The following EMCN variants were observed in gnomAD, a reference collection of about 807,000 sequenced individuals.
The protein encoded by EMCN is endomucin, also known as MUC-14.
A neutral mutation model predicts 38.4 loss-of-function variants in EMCN; 37 were observed. The ratio of observed to expected loss-of-function variants is 0.96; its 90% CI spans 0.74 to 1.27. The LOEUF (loss-of-function observed/expected upper bound fraction) is 1.27. EMCN is among the 50% of genes most tolerant of loss of function. The pLI, the probability that EMCN is intolerant of heterozygous loss-of-function variation, is 0.00. For synonymous variants in EMCN, 95 were observed against 100.8 expected, an observed-to-expected ratio of 0.94 and a Z score of 0.35; for missense variants, 318 against 302.8, an observed-to-expected ratio of 1.05 and a Z score of -0.37.
intron 1 of EMCN, among the ~76,000 whole-genome samples, chr4:100,503,791 A>T (rs1428703309): frequency 1.8e-4 from 27 of 152,136 alleles, no homozygotes; most frequent in Admixed American, 1.8e-3. Flanking sequence ...TGGGAAAGAT[A>T]CAGATATTTT....
intron 4 of EMCN, among the ~76,000 whole-genome samples, chr4:100,457,135 T>C (rs981200664): frequency 4.6e-5 from 7 of 152,064 alleles, no homozygotes; most frequent in Non-Finnish European, 8.8e-5. Flanking sequence ...TATATCCTTT[T>C]TCACTCTTTT....
chr4:100,507,814 G>T (rs566749107), intron 1 of EMCN, among the ~76,000 whole-genome samples: 8 of 151,912 alleles, frequency 5.3e-5, no homozygotes, highest in African/African-American at 1.9e-4. Context: ...CTAGCCCCAC[G>T]CCTAACAAAT....
chr4:100,401,942 T>C (rs1726271141), intron 11 of EMCN, among the ~76,000 whole-genome samples: 1 of 152,180 alleles, frequency 6.6e-6, no homozygotes, highest in South Asian at 2.1e-4. Flanking sequence ...GTTAAATGGC[T>C]ATCTGTTCAA....
intron 1 of EMCN, among the ~76,000 whole-genome samples, chr4:100,493,131 G>A (rs1729128320): frequency 6.6e-6 from 1 of 152,146 alleles, no homozygotes; most frequent in Admixed American, 6.5e-5. Flanking sequence ...TCGCTATACA[G>A]TCAGTTAACT....
intron 5 of EMCN, among the ~76,000 whole-genome samples, chr4:100,424,107 A>C (rs1297392992): frequency 6.6e-6 from 1 of 152,142 alleles, no homozygotes; most frequent in Non-Finnish European, 1.5e-5. Context: ...TGAAGCAAAA[A>C]TTATAAGTAA....
chr4:100,447,483 G>T, intron 5 of EMCN, 50 bp downstream of exon 5: 1 of 1,347,022 alleles, frequency 7.4e-7, no homozygotes, highest in South Asian at 1.2e-5. Flanking sequence ...TTATTCTTGA[G>T]ATTTTACCCA....
At chr4:100,408,596 C>T (rs927547624) in intron 11 of EMCN, among the ~76,000 whole-genome samples, 7 of 152,168 alleles carry the variant, frequency 4.6e-5, no homozygotes, top group Non-Finnish European at 8.8e-5. Flanking sequence ...CTCTGTGTTT[C>T]CTCACATTTG....
intron 1 of EMCN, among the ~76,000 whole-genome samples, chr4:100,490,749 C>T (rs142363503): frequency 5.3e-5 from 8 of 152,266 alleles, no homozygotes; most frequent in African/African-American, 9.6e-5. Flanking sequence ...CAAGACGTTT[C>T]GTAGAATGTA....
intron 4 of EMCN, among the ~76,000 whole-genome samples, chr4:100,459,555 A>G (rs1311943503): frequency 6.6e-6 from 1 of 152,064 alleles, no homozygotes; most frequent in Non-Finnish European, 1.5e-5. Context: ...TAATTTGACC[A>G]ACATCTTCTC....
At chr4:100,426,766 A>T (rs1283955405) in intron 5 of EMCN, among the ~76,000 whole-genome samples, 1 of 152,112 alleles carries the variant, frequency 6.6e-6, no homozygotes, top group Non-Finnish European at 1.5e-5. Flanking sequence ...TGGGAAGCCT[A>T]ACTCTTCCTA....
Position 100,415,907 on chromosome 4 carries a change from G to A in EMCN, c.742C>T (p.His248Tyr), listed in dbSNP as rs758575677. ...TTGTCTGGAAACTTACCAGACTCAT[G>A]AGAAATTGTCTTAACGGTAAGAAGC... ...VKLLTVKTISHESGEHSAQGK... is the reference protein window; with the variant it reads ...VKLLTVKTISYESGEHSAQGK... Residue 248 changes from histidine (H) to tyrosine (Y), a missense_variant, in exon 10 of 12, where the codon CAT (histidine) becomes TAT (tyrosine). Transcript: ENST00000296420. 1.9e-6 allele frequency: 3 copies of A among 1,583,620 alleles called. No individual in the cohort carries two copies. Among genetic ancestry groups the A allele is most frequent in the South Asian group, 2.4e-5 (2 of 85,032 alleles).
chr4:100,509,598 G>C (rs915600541), intron 1 of EMCN, among the ~76,000 whole-genome samples: 2 of 152,052 alleles, frequency 1.3e-5, no homozygotes, highest in African/African-American at 4.8e-5. Flanking sequence ...ACCCTAGGAG[G>C]GCGATTTCAC....
chr4:100,410,582 T>G (rs1726525022), intron 10 of EMCN, among the ~76,000 whole-genome samples: 4 of 152,106 alleles, frequency 2.6e-5, no homozygotes, highest in African/African-American at 9.6e-5. Flanking sequence ...TATGAAGTCC[T>G]GGGTGGGATA....
intron 4 of EMCN, among the ~76,000 whole-genome samples, chr4:100,449,794 C>T (rs530176315): frequency 1.2e-4 from 19 of 152,018 alleles, no homozygotes; most frequent in African/African-American, 3.6e-4. Context: ...CTTCAAAACC[C>T]TTCTGTTGAG....
chr4:100,487,924 A>T (rs1218863832), intron 1 of EMCN, among the ~76,000 whole-genome samples: 1 of 152,196 alleles, frequency 6.6e-6, no homozygotes, highest in Non-Finnish European at 1.5e-5. Context: ...TTACAATCTT[A>T]ATTTGTAAAG....
intron 11 of EMCN, among the ~76,000 whole-genome samples, chr4:100,402,057 G>A (rs548607433): frequency 6.6e-6 from 1 of 152,146 alleles, no homozygotes; most frequent in East Asian, 1.9e-4. Context: ...TAATGTCACT[G>A]TGCAAAGTAT....
At chr4:100,417,598 G>A (rs1419884817) in intron 8 of EMCN, among the ~76,000 whole-genome samples, 1 of 152,156 alleles carries the variant, frequency 6.6e-6, no homozygotes, top group Non-Finnish European at 1.5e-5. Context: ...GAGCTACAAT[G>A]TAGATACTAT....
chr4:100,496,153 T>C (rs570646584), intron 1 of EMCN, among the ~76,000 whole-genome samples: 1 of 152,266 alleles, frequency 6.6e-6, no homozygotes, highest in East Asian at 1.9e-4. Flanking sequence ...GAGGGTCACT[T>C]TAAAATCTGG....
chr4:100,403,688 C>A (rs981611728), intron 11 of EMCN, among the ~76,000 whole-genome samples: 3 of 152,068 alleles, frequency 2.0e-5, no homozygotes, highest in Admixed American at 1.3e-4. Context: ...ACATTCTCAC[C>A]TGCAGTGTAT....
Sources: gnomAD v4.1 joint callset for allele counts (sites outside exome capture counted in the v4.1 genomes callset) on GRCh38, gnomAD v4.1.1 for gene constraint, MANE v1.5 for transcripts, NCBI Gene and HGNC (gene_info 2026-07-23, HGNC 2026-07-21) for gene names.